Variants in SAMMSON observed in about 807,000 individuals in gnomAD.
SAMMSON encodes the protein survival associated mitochondrial melanoma specific oncogenic non-coding RNA, also known as long intergenic non-protein coding RNA 1212.
chr3:70,153,062 C>T (rs2067577757), intron 4 of SAMMSON, among the ~76,000 whole-genome samples: 1 of 151,826 alleles, frequency 6.6e-6, no homozygotes, highest in South Asian at 2.1e-4. Flanking sequence ...AATTGCAGAG[C>T]CAACACATTG....
rs1258320414 is a variant in SAMMSON, at chr3:70,135,822, G to A, written n.507+64257G>A. Among the ~76,000 whole-genome samples, 4 of 152,098 alleles carry A rather than the reference G, an allele frequency of 2.6e-5. No homozygotes were observed. In the East Asian group the frequency reaches 7.7e-4, roughly 29 times the overall value. ...GTCAAGAAACTAATAAGCTGAAGCA[G>A]TTCATTTTTACTATACCATTTTTCT... On this transcript the variant is annotated intron_variant and non_coding_transcript_variant, in intron 4 of 9. Transcript: ENST00000642114.
chr3:70,209,834 G>T (rs1458220540), intron 4 of SAMMSON, among the ~76,000 whole-genome samples: 1 of 152,004 alleles, frequency 6.6e-6, no homozygotes, highest in South Asian at 2.1e-4. Context: ...TTACACACTC[G>T]CCTTTCCCTT....
chr3:70,091,779 T>C (rs1256084606), intron 4 of SAMMSON, among the ~76,000 whole-genome samples: 1 of 152,132 alleles, frequency 6.6e-6, no homozygotes, highest in Non-Finnish European at 1.5e-5. Flanking sequence ...AGCCTTCATT[T>C]GTCTAAACTG....
rs71672662 is a variant in SAMMSON at position 70,237,979 on chromosome 3, C to CTTTTTTTTTTTTTTT, written n.508-11116_508-11102dup. On this transcript the variant is annotated intron_variant and non_coding_transcript_variant, in intron 4 of 9. Transcript: ENST00000642114. ...GGAAAAGAAACTAATTGAGTGGTAT[C>CTTTTTTTTTTTTTTT]TTTTTTTTTTTTTTTTTTTTTTTTT... Among the ~76,000 whole-genome samples the CTTTTTTTTTTTTTTT allele has an allele frequency of 6.5e-3, 316 of 48,938 alleles. 99 individuals carry two copies. The highest frequency in any genetic ancestry group is 0.016 in the African/African-American group (150 of 9,424). The allele number at this position is 48,938 out of a possible 152,430, so 32.1% of individuals were successfully genotyped here.
At chr3:70,342,863 A>G (rs1433018483) in intron 7 of SAMMSON, among the ~76,000 whole-genome samples, 2 of 151,998 alleles carry the variant, frequency 1.3e-5, no homozygotes, top group African/African-American at 4.8e-5. Context: ...CAGTGTTTGC[A>G]TATTGTGGCA....
intron 7 of SAMMSON, among the ~76,000 whole-genome samples, chr3:70,337,805 T>A (rs1352606450): frequency 6.6e-6 from 1 of 151,980 alleles, no homozygotes; most frequent in East Asian, 1.9e-4. Context: ...TATCGCTTTA[T>A]CTTTTATCTA....
intron 9 of SAMMSON, among the ~76,000 whole-genome samples, chr3:70,370,372 C>T (rs527650710): frequency 1.1e-4 from 16 of 151,760 alleles, no homozygotes; most frequent in Non-Finnish European, 2.1e-4. Context: ...TTTAATTTTT[C>T]GAGAAATCTC....
chr3:70,009,897 C>T (rs1301756325), intron 1 of SAMMSON, among the ~76,000 whole-genome samples: 1 of 149,252 alleles, frequency 6.7e-6, no homozygotes, highest in South Asian at 2.2e-4. Flanking sequence ...TCGTTATGGA[C>T]TCAGTAGTCA....
At chr3:70,274,486 T>C (rs939336226) in intron 6 of SAMMSON, among the ~76,000 whole-genome samples, 2 of 152,206 alleles carry the variant, frequency 1.3e-5, no homozygotes, top group Non-Finnish European at 2.9e-5. Flanking sequence ...AAATAATTAA[T>C]GTTAAGTTGA....
chr3:70,040,218 T>G (rs1311771921), intron 3 of SAMMSON, among the ~76,000 whole-genome samples: 1 of 152,148 alleles, frequency 6.6e-6, no homozygotes, highest in Non-Finnish European at 1.5e-5. Flanking sequence ...ATTGATATCA[T>G]ACACAGAAAG....
At chr3:70,268,204 C>T (rs1199832488) in intron 6 of SAMMSON, among the ~76,000 whole-genome samples, 4 of 152,156 alleles carry the variant, frequency 2.6e-5, no homozygotes, top group Non-Finnish European at 5.9e-5. Context: ...GGCGCGGTAG[C>T]TCACGCCTGT....
intron 4 of SAMMSON, among the ~76,000 whole-genome samples, chr3:70,171,437 A>T (rs894048500): frequency 1.3e-5 from 2 of 151,924 alleles, no homozygotes; most frequent in African/African-American, 4.8e-5. Flanking sequence ...ATCTTCAGAC[A>T]TATCAAACCC....
At chr3:70,160,792 T>A (rs549050613) in intron 4 of SAMMSON, among the ~76,000 whole-genome samples, 51 of 152,206 alleles carry the variant, frequency 3.4e-4, no homozygotes, top group Admixed American at 1.8e-3. Context: ...TGGAGCATAA[T>A]TACCATCTTA....
chr3:70,215,711 A>G (rs1196942903), intron 4 of SAMMSON, among the ~76,000 whole-genome samples: 1 of 152,260 alleles, frequency 6.6e-6, no homozygotes, highest in Non-Finnish European at 1.5e-5. Context: ...CCTTGAGGAA[A>G]TACATAAGCC....
intron 3 of SAMMSON, among the ~76,000 whole-genome samples, chr3:70,046,444 A>G (rs2067127486): frequency 6.6e-6 from 1 of 152,124 alleles, no homozygotes; most frequent in Non-Finnish European, 1.5e-5. Context: ...CGGTACATGT[A>G]ATGGGTATTT....
intron 4 of SAMMSON, among the ~76,000 whole-genome samples, chr3:70,170,585 T>C (rs980426333): frequency 1.4e-5 from 2 of 138,702 alleles, no homozygotes; most frequent in African/African-American, 5.2e-5. Context: ...TTTCCTTTTT[T>C]TTTTTTTTTT....
At chr3:70,022,163 G>C (rs2067016183) in intron 3 of SAMMSON, among the ~76,000 whole-genome samples, 1 of 151,040 alleles carries the variant, frequency 6.6e-6, no homozygotes, top group Non-Finnish European at 1.5e-5. Flanking sequence ...GAATATACAG[G>C]GATTTCTACA....
chr3:70,242,087 T>A (rs547353421), intron 4 of SAMMSON, among the ~76,000 whole-genome samples: 28 of 152,320 alleles, frequency 1.8e-4, no homozygotes, highest in African/African-American at 6.5e-4. Context: ...TAAGGGCCAA[T>A]GATGTGTACT....
chr3:70,231,212 C>T lies in SAMMSON; in HGVS notation n.508-17895C>T, dbSNP rs578209762. Among the ~76,000 whole-genome samples the T allele has an allele frequency of 2.6e-5, 4 of 152,308 alleles. No homozygotes were observed. The South Asian group carries it at 8.3e-4, about 32-fold the overall frequency. Reference sequence around the variant, plus strand: ...AAAGAGGTTTTATTGAAGGAAACAGCAGTGGCAAACAGCTAGCCATGCTCA... The same window carrying T: ...AAAGAGGTTTTATTGAAGGAAACAGTAGTGGCAAACAGCTAGCCATGCTCA... On this transcript the variant is annotated intron_variant and non_coding_transcript_variant, in intron 4 of 9. Transcript: ENST00000642114.
Sources: gnomAD v4.1 joint callset for allele counts (sites outside exome capture counted in the v4.1 genomes callset) on GRCh38, gnomAD v4.1.1 for gene constraint, MANE v1.5 for transcripts, NCBI Gene and HGNC (gene_info 2026-07-23, HGNC 2026-07-21) for gene names.